NTN1: variants seen among roughly 807,000 people sequenced by gnomAD.
NTN1 encodes netrin-1.
Under a neutral mutation model 54.2 loss-of-function variants are expected in NTN1, and 11 were observed. The ratio of observed to expected loss-of-function variants is 0.20; its 90% CI spans 0.13 to 0.34. The LOEUF (loss-of-function observed/expected upper bound fraction) is 0.34. Ranked by LOEUF, NTN1 falls within the 10% of genes least tolerant of loss-of-function variation. The pLI is 1.00. For missense variants in NTN1, 740 were observed against 893.1 expected, an observed-to-expected ratio of 0.83 and a Z score of 2.18; for synonymous variants, 371 against 382.0, an observed-to-expected ratio of 0.97 and a Z score of 0.33.
intron 2 of NTN1, among the ~76,000 whole-genome samples, chr17:9,090,448 A>G (rs532696860): frequency 6.6e-6 from 1 of 152,100 alleles, no homozygotes; most frequent in Admixed American, 6.5e-5. Context: ...TGCTGGGATT[A>G]CAGGTGTGAG....
intron 6 of NTN1, among the ~76,000 whole-genome samples, chr17:9,230,321 GC>G (rs540379193): frequency 6.6e-6 from 1 of 152,112 alleles, no homozygotes; most frequent in African/African-American, 2.4e-5. Context: ...TCCCGAGCTT[GC>G]CCCCCTGTCC....
At chr17:9,215,742 A>G (rs1160958991) in intron 5 of NTN1, among the ~76,000 whole-genome samples, 1 of 152,022 alleles carries the variant, frequency 6.6e-6, no homozygotes, top group Admixed American at 6.6e-5. Context: ...TAATCTGTAT[A>G]TATTCTTTTC....
Position 9,200,329 on chromosome 17 carries a change from G to A in NTN1, c.1411+17360G>A, listed in dbSNP as rs187503687. On this transcript the variant is annotated intron_variant, in intron 5 of 6. Coordinates refer to ENST00000173229, the MANE Select transcript of NTN1 (RefSeq NM_004822.3). The stretch of plus-strand genomic sequence containing the variant: ...GGAGACCCCATGGGGCTGGCCCGGT[G>A]GGAGCAGATACCAATGAATGCAGCG... Among the ~76,000 whole-genome samples, 696 of 152,344 alleles carry A rather than the reference G, an allele frequency of 4.6e-3. 3 individuals are homozygous for A. The highest frequency in any genetic ancestry group is 0.016 in the African/African-American group (656 of 41,580).
At chr17:9,184,758 A>G (rs939219606) in intron 5 of NTN1, among the ~76,000 whole-genome samples, 15 of 152,270 alleles carry the variant, frequency 9.9e-5, no homozygotes, top group African/African-American at 3.6e-4. Context: ...TTCCCCTTCC[A>G]AGTCAGAAAT....
At chr17:9,037,240 T>C (rs2151511953) in intron 2 of NTN1, among the ~76,000 whole-genome samples, 1 of 152,358 alleles carries the variant, frequency 6.6e-6, no homozygotes, top group African/African-American at 2.4e-5. Flanking sequence ...TGGTTTCTTT[T>C]GCTCAGCCTT....
intron 2 of NTN1, among the ~76,000 whole-genome samples, chr17:9,090,832 C>T (rs1227636601): frequency 2.0e-5 from 3 of 152,142 alleles, no homozygotes; most frequent in Admixed American, 6.5e-5. Flanking sequence ...GGCTTGGCCA[C>T]TCTGAGGGTG....
At chr17:9,192,320 A>G (rs1904484760) in intron 5 of NTN1, among the ~76,000 whole-genome samples, 1 of 152,238 alleles carries the variant, frequency 6.6e-6, no homozygotes, top group Admixed American at 6.5e-5. Context: ...TAGCCATATA[A>G]TGATGTGGGG....
intron 2 of NTN1, among the ~76,000 whole-genome samples, chr17:9,114,166 A>AAATATATATATATATATATAT (rs1555569108): frequency 4.0e-5 from 3 of 74,620 alleles, no homozygotes; most frequent in Non-Finnish European, 7.4e-5. Flanking sequence ...AAAAAAAAAA[A>AAATATATATATATATATATAT]ATATATATAT....
rs539229786 is a variant in NTN1, at chr17:9,139,825, C to CCAT, written c.1019-22983_1019-22981dup. ...TATCCATCTACACCTATCCATCCTT[C>CCAT]CATCATCTGTTCATCCATCCATTCA... On this transcript the variant is annotated intron_variant, in intron 2 of 6. Coordinates refer to ENST00000173229, the MANE Select transcript of NTN1 (RefSeq NM_004822.3). 4.3e-3 allele frequency among the ~76,000 whole-genome samples: 662 copies of CCAT among 152,316 alleles called. 4 individuals carry two copies. Among genetic ancestry groups the CCAT allele is most frequent in the African/African-American group, 0.015 (614 of 41,564 alleles).
At chr17:9,124,755 C>T (rs1044235775) in intron 2 of NTN1, among the ~76,000 whole-genome samples, 32 of 152,136 alleles carry the variant, frequency 2.1e-4, no homozygotes, top group East Asian at 1.9e-4. Flanking sequence ...TCAGCCACGG[C>T]GGCAGAGTCA....
Position 9,221,196 on chromosome 17 carries a change from G to A in NTN1, c.1440G>A (p.Lys480=). ...EDCDSYCKAS[K]GKLKINMKKY... ...GCGATTCCTACTGCAAGGCCTCCAA[G>A]GGGAAGCTGAAGATTAACATGAAAA... is the stretch of plus-strand genomic sequence containing the variant. Residue 480 remains lysine, a synonymous_variant, in exon 6 of 7, where the codon AAG becomes AAA. Transcript: ENST00000173229. This position sits in a 1 kb window ranked among gnomAD's most constrained non-coding sequence, Gnocchi z 4.5. The A allele has an allele frequency of 6.3e-7, 1 of 1,598,180 alleles. No homozygotes were observed. Among genetic ancestry groups the A allele is most frequent in the Non-Finnish European group, 8.5e-7 (1 of 1,170,446 alleles).
intron 2 of NTN1, among the ~76,000 whole-genome samples, chr17:9,065,301 G>A (rs1260764245): frequency 6.6e-6 from 1 of 152,080 alleles, no homozygotes. Context: ...TCGGACGGTG[G>A]CACAGATTCC....
intron 5 of NTN1, among the ~76,000 whole-genome samples, chr17:9,216,384 G>A (rs1905217184): frequency 6.6e-6 from 1 of 152,192 alleles, no homozygotes; most frequent in African/African-American, 2.4e-5. Flanking sequence ...GTTCATAGAG[G>A]CTTTGTCATT....
chr17:9,050,597 A>G (rs1296710512), intron 2 of NTN1, among the ~76,000 whole-genome samples: 1 of 141,460 alleles, frequency 7.1e-6, no homozygotes, highest in Admixed American at 7.6e-5. Context: ...TGAACCTGGG[A>G]GGCAGAGGCT....
In NTN1 at chr17:9,022,502, C is replaced by T. The variant is rs947255384; in HGVS notation, c.129C>T (p.Asp43=). 1 of 1,543,924 alleles carries T rather than the reference C, an allele frequency of 6.5e-7. No individual in the cohort carries two copies. The highest frequency in any genetic ancestry group is 1.4e-5 in the African/African-American group (1 of 73,400). Residue 43 remains aspartate, a synonymous_variant, in exon 2 of 7, where the codon GAC becomes GAT. Coordinates refer to ENST00000173229, the MANE Select transcript of NTN1 (RefSeq NM_004822.3). ...CGGCGCAGCCCGATCCCTGCTCGGA[C>T]GAGAACGGCCACCCGCGCCGCTGCA... The part of the protein sequence containing the change: ...GQAAQPDPCS[D]ENGHPRRCIP...
rs935344582 is a variant in NTN1, at chr17:9,022,940, C to T, written c.567C>T (p.His189=). Reference sequence around the variant, plus strand: ...GCCGCAAGATGTACAACCGGCCGCACCGCGCGCCCATCACCAAGCAGAACG... The same window carrying T: ...GCCGCAAGATGTACAACCGGCCGCATCGCGCGCCCATCACCAAGCAGAACG... The part of the protein sequence containing the change: ...TQCRKMYNRP[H]RAPITKQNEQ... Residue 189 remains histidine (H), a synonymous_variant, in exon 2 of 7, where the codon CAC becomes CAT. Transcript: ENST00000173229. 3 of 1,611,796 alleles carry T rather than the reference C, an allele frequency of 1.9e-6. No individual in the cohort carries two copies. The highest frequency in any genetic ancestry group is 2.2e-5 in the South Asian group (2 of 90,976).
chr17:9,193,576 G>A (rs1389141035), intron 5 of NTN1, among the ~76,000 whole-genome samples: 1 of 152,128 alleles, frequency 6.6e-6, no homozygotes, highest in African/African-American at 2.4e-5. Context: ...AGCACTTCTT[G>A]GTTCTCCCCC....
At chr17:9,091,040 G>A (rs1434276517) in intron 2 of NTN1, among the ~76,000 whole-genome samples, 1 of 152,108 alleles carries the variant, frequency 6.6e-6, no homozygotes, top group Non-Finnish European at 1.5e-5. Context: ...CGGAGGACTC[G>A]GCAGTGCCAA....
chr17:9,210,965 T>A (rs1357157764), intron 5 of NTN1, among the ~76,000 whole-genome samples: 3 of 148,572 alleles, frequency 2.0e-5, no homozygotes, highest in Non-Finnish European at 4.4e-5. Flanking sequence ...TTTTAGTGTT[T>A]CTTTCTTTCT....
Sources: gnomAD v4.1 joint callset for allele counts (sites outside exome capture counted in the v4.1 genomes callset) on GRCh38, gnomAD v4.1.1 for gene constraint, Gnocchi (gnomAD v3.1) non-coding constraint, MANE v1.5 for transcripts, NCBI Gene and HGNC (gene_info 2026-07-23, HGNC 2026-07-21) for gene names.